Variants in CCT4 observed in about 807,000 individuals in gnomAD.
CCT4 encodes the protein T-complex protein 1 subunit delta.
CCT4 carries 17 observed loss-of-function variants against 62.5 expected under a neutral mutation model. That is an observed-to-expected ratio of 0.27 (90% CI 0.19 to 0.41). The LOEUF (loss-of-function observed/expected upper bound fraction) is 0.41. Ranked by LOEUF, CCT4 falls within the 10% of genes least tolerant of loss-of-function variation. The pLI is 1.00. For missense variants in CCT4, 592 were observed against 659.2 expected (o/e 0.90, Z 1.12); for synonymous variants, 250 against 229.9 (o/e 1.09, Z -0.79).
intron 12 of CCT4, 130 bp from the exon 13 acceptor site, chr2:61,869,683 C>T: frequency 1.6e-6 from 1 of 619,872 alleles, no homozygotes; most frequent in Non-Finnish European, 3.0e-6. Flanking sequence ...GAATATGATA[C>T]TCTACTAAGC....
intron 12 of CCT4, among the ~76,000 whole-genome samples, chr2:61,869,992 T>G (rs1300922621): frequency 6.7e-6 from 1 of 149,724 alleles, no homozygotes; most frequent in Non-Finnish European, 1.5e-5. Flanking sequence ...AATTATGATA[T>G]CTTGGCTAGG....
chr2:61,870,347 A>AT lies in CCT4; in HGVS notation c.1492-795dup, dbSNP rs1668857919. On this transcript the variant is annotated intron_variant, in intron 12 of 13. Transcript: ENST00000394440. ...TCTCTGAATTTTAATTCTTAATTAG[A>AT]TCAACCCCAGTCTACTCTACAGTCT... Among the ~76,000 whole-genome samples the AT allele has an allele frequency of 2.0e-5, 3 of 152,278 alleles. No individual in the cohort carries two copies. The South Asian group carries it at 6.2e-4, about 32-fold the overall frequency.
chr2:61,888,155 G>A (rs566079030), intron 1 of CCT4: 6 of 550,292 alleles, frequency 1.1e-5, no homozygotes, highest in Admixed American at 3.5e-5. Context: ...AAAAACTAAG[G>A]GAGATTAAGA....
In CCT4 at chr2:61,888,396, T is replaced by C. The variant is rs199542002; in HGVS notation, c.112A>G (p.Ile38Val). ...AGAGTGATACCTTTGGCGGCGGAAA[T>C]GTTGCTGAAGCGGATCTGGGCTGGC... ...DKPAQIRFSN[I>V]SAAKAVADAI... is the part of the protein sequence containing the mutation. Residue 38 changes from isoleucine to valine, a missense_variant, in exon 1 of 14, where the codon ATT (isoleucine) becomes GTT (valine). Around this residue, in one of 3 missense-constraint regions of CCT4, gnomAD observed 67 missense variants for 71.1 expected, o/e 0.94. Coordinates refer to ENST00000394440, the MANE Select transcript of CCT4 (RefSeq NM_006430.4). 121 of 1,612,500 alleles carry C rather than the reference T, an allele frequency of 7.5e-5. 1 individual carries two copies. The Admixed American group carries it at 7.7e-4, about 10-fold the overall frequency.
chr2:61,871,903 T>TAA (rs1305956002), intron 12 of CCT4, among the ~76,000 whole-genome samples, 179 bp downstream of exon 12: 1 of 152,210 alleles, frequency 6.6e-6, no homozygotes, highest in Non-Finnish European at 1.5e-5. Flanking sequence ...TACTTCCCCC[T>TAA]AAGGTGTCAC....
At chr2:61,876,837 G>T in intron 7 of CCT4, 83 bp downstream of exon 7, 3 of 1,173,840 alleles carry the variant, frequency 2.6e-6, no homozygotes, top group Non-Finnish European at 3.6e-6. Flanking sequence ...ATCACTAGTA[G>T]TATTTTCTAT....
chr2:61,878,044 A>C (rs1301648071), intron 5 of CCT4, among the ~76,000 whole-genome samples: 2 of 152,200 alleles, frequency 1.3e-5, no homozygotes, highest in East Asian at 1.9e-4. Context: ...GTACTGAACA[A>C]ACACAAGCAG....
Position 61,876,951 on chromosome 2 carries a change from A to G in CCT4, c.746T>C (p.Ile249Thr), listed in dbSNP as rs940385678. The G allele has an allele frequency of 2.4e-5, 38 of 1,613,820 alleles. No homozygotes were observed. The highest frequency in any genetic ancestry group is 1.7e-4 in the Middle Eastern group (1 of 6,060). The change falls in exon 7 of 14, where the codon ATT (isoleucine) becomes ACT (threonine). Residue 249 changes from isoleucine (I) to threonine (T), a missense_variant. Ile to Thr is a moderately conservative substitution (Grantham distance 89). Transcript: ENST00000394440. ...TRVEKAKIGLIQFCLSAPKTD... is the reference protein window; with the variant it reads ...TRVEKAKIGLTQFCLSAPKTD... ...TTTGGGAGCAGATAAGCAAAACTGA[A>G]TAAGCCCAATCTTGGCCTTTTCAAC...
chr2:61,877,612 T>G, intron 5 of CCT4, 98 bp from the exon 6 acceptor site: 1 of 915,458 alleles, frequency 1.1e-6, no homozygotes, highest in Non-Finnish European at 1.6e-6. Context: ...TTATAATTTT[T>G]GCAGTGGGGT....
At chr2:61,870,093 C>T (rs555373947) in intron 12 of CCT4, among the ~76,000 whole-genome samples, 17 of 150,386 alleles carry the variant, frequency 1.1e-4, no homozygotes, top group South Asian at 2.1e-4. Context: ...CTGGCTAACA[C>T]GGTGAAACCC....
intron 12 of CCT4, among the ~76,000 whole-genome samples, chr2:61,869,846 G>A (rs892188834): frequency 6.6e-6 from 1 of 151,162 alleles, no homozygotes; most frequent in African/African-American, 2.4e-5. Context: ...TGTTAGCCAG[G>A]ATGGTCTCAT....
At chr2:61,877,884 T>C (rs1210317965) in intron 5 of CCT4, among the ~76,000 whole-genome samples, 2 of 152,224 alleles carry the variant, frequency 1.3e-5, no homozygotes, top group Non-Finnish European at 2.9e-5. Flanking sequence ...GAGGGGTTGA[T>C]AAAAATTGCT....
rs1177922031 is a variant in CCT4 at position 61,873,288 on chromosome 2, G to A, written c.923C>T (p.Ala308Val). ...AAAGTGTAATGCAAGATCACTAAGAGCATCTCTAAAATACAAAATCAGTGA... is the reference window on the plus strand; with the variant it reads ...AAAGTGTAATGCAAGATCACTAAGAACATCTCTAAAATACAAAATCAGTGA... ...LLIQKSILRD[A>V]LSDLALHFLN... The change falls in exon 9 of 14, where the codon GCT (alanine) becomes GTT (valine). Residue 308 changes from alanine (A) to valine (V), a missense_variant. Ala to Val is a moderately conservative substitution (Grantham distance 64, BLOSUM62 0). This residue lies in a region of CCT4 where 522 missense variants were observed against 571.2 expected (regional missense o/e 0.91). Coordinates refer to ENST00000394440, the MANE Select transcript of CCT4 (RefSeq NM_006430.4). 3.3e-6 allele frequency: 5 copies of A among 1,528,520 alleles called. No homozygotes were observed. The highest frequency in any genetic ancestry group is 4.5e-6 in the Non-Finnish European group (5 of 1,104,888). The allele number at this position is 1,528,520 out of a possible 1,614,324, so 94.7% of individuals were successfully genotyped here.
chr2:61,882,742 C>G (rs570092327), intron 3 of CCT4, among the ~76,000 whole-genome samples: 1 of 152,174 alleles, frequency 6.6e-6, no homozygotes, highest in African/African-American at 2.4e-5. Context: ...AACTCCTGAG[C>G]TCAAGCAATC....
At chr2:61,875,133 C>A (rs572108252) in intron 8 of CCT4, among the ~76,000 whole-genome samples, 3 of 46,812 alleles carry the variant, frequency 6.4e-5, no homozygotes, top group Non-Finnish European at 1.2e-4. Flanking sequence ...AAGAGCGAAA[C>A]TCCATTTCAA....
At chr2:61,879,042 TG>T in intron 4 of CCT4, 31 bp from the exon 5 acceptor site, 1 of 1,539,070 alleles carries the variant, frequency 6.5e-7, no homozygotes, top group South Asian at 1.2e-5. Context: ...GTTATTTAAT[TG>T]TAACAGGTAA....
rs570739260 is a variant in CCT4 at position 61,881,425 on chromosome 2, T to C, written c.271-1031A>G. ...GCACGAGCCACTGCGACCAGACTGATAGAAATTTCTTTCTAATGAATTTGT... is the reference window on the plus strand; with the variant it reads ...GCACGAGCCACTGCGACCAGACTGACAGAAATTTCTTTCTAATGAATTTGT... On this transcript the variant is annotated intron_variant, in intron 3 of 13. Coordinates refer to ENST00000394440, the MANE Select transcript of CCT4 (RefSeq NM_006430.4). Among the ~76,000 whole-genome samples, 247 of 152,272 alleles carry C rather than the reference T, an allele frequency of 1.6e-3. 1 individual carries two copies. Among genetic ancestry groups the C allele is most frequent in the Middle Eastern group, 3.4e-3 (1 of 294 alleles).
chr2:61,870,382 CA>C (rs2105124138), intron 12 of CCT4, among the ~76,000 whole-genome samples: 1 of 152,306 alleles, frequency 6.6e-6, no homozygotes, highest in Non-Finnish European at 1.5e-5. Context: ...TCATATTTGC[CA>C]CCTTAAATTC....
intron 1 of CCT4, among the ~76,000 whole-genome samples, chr2:61,885,386 A>T (rs893720533): frequency 6.6e-6 from 1 of 152,142 alleles, no homozygotes; most frequent in African/African-American, 2.4e-5. Context: ...ATGATGCTTC[A>T]CTTCTGTTAG....
Sources: allele counts gnomAD v4.1 joint callset (sites outside exome capture counted in the v4.1 genomes callset), GRCh38; gene constraint gnomAD v4.1.1; regional missense constraint gnomAD v4.1.1; transcripts MANE v1.5; gene names NCBI Gene and HGNC (gene_info 2026-07-23, HGNC 2026-07-21).